COL8A1: variants seen among roughly 807,000 people sequenced by gnomAD.
COL8A1 encodes collagen type VIII alpha 1 chain, also known as collagen alpha-1(VIII) chain.
In COL8A1, 21 loss-of-function variants were observed where a neutral mutation model predicts 42.7. The ratio of observed to expected loss-of-function variants is 0.49; its 90% CI spans 0.35 to 0.71. The LOEUF (loss-of-function observed/expected upper bound fraction) is 0.71, where lower values mean the gene tolerates loss of function less well. COL8A1 is among the 30% of genes least tolerant of loss of function. COL8A1 has a pLI of 0.01. For missense variants in COL8A1, 788 were observed against 962.4 expected, an observed-to-expected ratio of 0.82 and a Z score of 2.40; for synonymous variants, 367 against 369.1, an observed-to-expected ratio of 0.99 and a Z score of 0.06.
chr3:99,794,894 T>G lies in COL8A1; in HGVS notation c.993T>G (p.Gly331=). ...DGIPGQPGFP[G]GKGEQGLPGL... ...TCCCAGGCCAGCCAGGATTTCCAGG[T>G]GGCAAAGGGGAGCAAGGACTGCCAG... Residue 331 remains glycine, a synonymous_variant, in exon 4 of 4, where the codon GGT becomes GGG. Coordinates refer to ENST00000652472, the MANE Select transcript of COL8A1 (RefSeq NM_020351.4). The surrounding 1 kb of genome is among the most constrained non-coding windows in gnomAD (Gnocchi z 4.3). The G allele has an allele frequency of 6.2e-7, 1 of 1,604,116 alleles. No homozygotes were observed. Among genetic ancestry groups the G allele is most frequent in the East Asian group, 2.2e-5 (1 of 44,778 alleles).
chr3:99,639,312 A>G (rs545389715), intron 1 of COL8A1, among the ~76,000 whole-genome samples: 138 of 152,350 alleles, frequency 9.1e-4, no homozygotes, highest in African/African-American at 3.2e-3. Context: ...ACGACATCCT[A>G]AAATGAGAAT....
At chr3:99,673,714 T>C (rs546201051) in intron 1 of COL8A1, among the ~76,000 whole-genome samples, 1 of 152,172 alleles carries the variant, frequency 6.6e-6, no homozygotes, top group South Asian at 2.1e-4. Flanking sequence ...TATGTGCCAT[T>C]TTAATAGAGG....
At chr3:99,740,529 G>A (rs916296046) in intron 1 of COL8A1, among the ~76,000 whole-genome samples, 3 of 152,178 alleles carry the variant, frequency 2.0e-5, no homozygotes, top group African/African-American at 7.2e-5. Context: ...AAGTGAAACA[G>A]GGAGAAGCCT....
intron 2 of COL8A1, among the ~76,000 whole-genome samples, chr3:99,771,148 A>G (rs1222060276): frequency 3.9e-5 from 6 of 152,246 alleles, no homozygotes; most frequent in Admixed American, 2.0e-4. Flanking sequence ...AAATGGAATT[A>G]GGGACAGGAA....
intron 1 of COL8A1, among the ~76,000 whole-genome samples, chr3:99,726,953 G>C (rs1266079426): frequency 6.6e-6 from 1 of 152,168 alleles, no homozygotes; most frequent in African/African-American, 2.4e-5. Flanking sequence ...TGTAAAGAAA[G>C]TCATTGGTAG....
chr3:99,794,791 C>T lies in COL8A1; in HGVS notation c.890C>T (p.Pro297Leu). The T allele has an allele frequency of 6.2e-7, 1 of 1,604,946 alleles. No individual in the cohort carries two copies. Among genetic ancestry groups the T allele is most frequent in the Non-Finnish European group, 8.5e-7 (1 of 1,176,304 alleles). ...CCAGGGGCTCCAGGAGAACCTGGGC[C>T]ACAAGGCCCTATTGGGGTACCGGGG... Reference protein sequence around the residue: ...GKPGAPGEPGPQGPIGVPGVQ... With the variant: ...GKPGAPGEPGLQGPIGVPGVQ... The change falls in exon 4 of 4, where the codon CCA (proline) becomes CTA (leucine). Residue 297 changes from proline (P) to leucine (L), a missense_variant. Coordinates refer to ENST00000652472, the MANE Select transcript of COL8A1 (RefSeq NM_020351.4). The surrounding 1 kb of genome is among the most constrained non-coding windows in gnomAD (Gnocchi z 4.3).
chr3:99,750,613 A>T (rs1326738244), intron 2 of COL8A1, among the ~76,000 whole-genome samples: 2 of 152,208 alleles, frequency 1.3e-5, no homozygotes, highest in Admixed American at 6.5e-5. Context: ...CAAAATTTTT[A>T]AAAAATAATA....
At chr3:99,740,424 T>G (rs911126123) in intron 1 of COL8A1, among the ~76,000 whole-genome samples, 2 of 152,204 alleles carry the variant, frequency 1.3e-5, no homozygotes, top group Non-Finnish European at 2.9e-5. Flanking sequence ...GACTCACAGT[T>G]CAGCATGGCT....
intron 1 of COL8A1, among the ~76,000 whole-genome samples, chr3:99,663,693 T>C (rs1938277080): frequency 6.6e-6 from 1 of 152,118 alleles, no homozygotes. Flanking sequence ...AAACAAACTA[T>C]GAAAGAAAGT....
chr3:99,686,647 A>G (rs1192087468), intron 1 of COL8A1, among the ~76,000 whole-genome samples: 1 of 152,202 alleles, frequency 6.6e-6, no homozygotes, highest in Non-Finnish European at 1.5e-5. Flanking sequence ...TGTGATCATC[A>G]CAATGACTTT....
chr3:99,719,217 A>G (rs971147127), intron 1 of COL8A1, among the ~76,000 whole-genome samples: 8 of 152,110 alleles, frequency 5.3e-5, no homozygotes, highest in African/African-American at 1.9e-4. Flanking sequence ...TACTATTATT[A>G]TTATCATTAA....
chr3:99,732,756 C>G (rs1347377695), intron 1 of COL8A1, among the ~76,000 whole-genome samples: 1 of 152,138 alleles, frequency 6.6e-6, no homozygotes, highest in Non-Finnish European at 1.5e-5. Flanking sequence ...AAAGTCTTAA[C>G]TCATTCCAGC....
intron 1 of COL8A1, among the ~76,000 whole-genome samples, chr3:99,671,499 C>G (rs1020299396): frequency 6.6e-6 from 1 of 152,026 alleles, no homozygotes; most frequent in Non-Finnish European, 1.5e-5. Context: ...TCTCAGTAAT[C>G]TTCAAGTATA....
At position 99,761,992 on chromosome 3, in the gene COL8A1, A is replaced by C. The variant is rs533919338; in HGVS notation, c.-4+16971A>C. ...GCTTTGGCTGACAGAGAGGCGATAC[A>C]TACCATGTTTGGTACAACTGACCTC... On this transcript the variant is annotated intron_variant, in intron 2 of 3. Transcript: ENST00000652472. Among the ~76,000 whole-genome samples the C allele has an allele frequency of 9.2e-5, 14 of 152,286 alleles. No individual in the cohort carries two copies. In the South Asian group the frequency reaches 1.9e-3, roughly 20 times the overall value.
At position 99,703,696 on chromosome 3, in the gene COL8A1, G is replaced by C. The variant is rs915236224; in HGVS notation, c.-128-41201G>C. The C allele has an allele frequency of 3.3e-5, 5 of 152,316 alleles. No individual in the cohort carries two copies. In the East Asian group the frequency reaches 9.6e-4, roughly 29 times the overall value. 9.4% of individuals were successfully genotyped at this position (152,316 alleles called of 1,614,324 possible). The stretch of plus-strand genomic sequence containing the variant: ...GTTTCGGTTACCAGAACTGTCAACT[G>C]CAATACTGGAAGAGGGCCTTGCACA... On this transcript the variant is annotated intron_variant, in intron 1 of 3. Coordinates refer to ENST00000652472, the MANE Select transcript of COL8A1 (RefSeq NM_020351.4).
intron 2 of COL8A1, among the ~76,000 whole-genome samples, chr3:99,761,282 G>C (rs961708313): frequency 5.3e-5 from 8 of 152,086 alleles, no homozygotes; most frequent in African/African-American, 1.9e-4. Flanking sequence ...TGTGGACCTG[G>C]CACTGTCTTG....
chr3:99,708,533 G>A (rs533159663), intron 1 of COL8A1, among the ~76,000 whole-genome samples: 5 of 152,020 alleles, frequency 3.3e-5, no homozygotes, highest in African/African-American at 4.8e-5. Context: ...CACTTCCTCC[G>A]CCCTTCTTTG....
chr3:99,678,745 A>T (rs1938777104), intron 1 of COL8A1: 1 of 152,172 alleles, frequency 6.6e-6, no homozygotes, highest in Non-Finnish European at 1.5e-5. Context: ...AGTTACAAAA[A>T]TAGTTACTAA....
At chr3:99,734,305 C>A (rs879133583) in intron 1 of COL8A1, among the ~76,000 whole-genome samples, 1 of 137,416 alleles carries the variant, frequency 7.3e-6, no homozygotes, top group African/African-American at 3.0e-5. Context: ...AGTCTTCAAT[C>A]CATCTTGAAT....
Sources: allele counts gnomAD v4.1 joint callset (sites outside exome capture counted in the v4.1 genomes callset), GRCh38; gene constraint gnomAD v4.1.1; non-coding constraint Gnocchi (gnomAD v3.1); transcripts MANE v1.5; gene names NCBI Gene and HGNC (gene_info 2026-07-23, HGNC 2026-07-21).